CFAP45: variants seen among roughly 807,000 people sequenced by gnomAD.
The protein encoded by CFAP45 is cilia and flagella associated protein 45.
A neutral mutation model predicts 75.6 loss-of-function variants in CFAP45; 43 were observed. The ratio of observed to expected loss-of-function variants is 0.57; its 90% confidence interval spans 0.45 to 0.73. The LOEUF is 0.73. Ranked by LOEUF, CFAP45 falls within the 30% of genes least tolerant of loss-of-function variation. The probability of loss-of-function intolerance (pLI) is 0.00; values close to 1 mark genes in which losing one functional copy is unlikely to be tolerated. For synonymous variants in CFAP45, 223 were observed against 244.6 expected (o/e 0.91, Z 0.82); for missense variants, 689 against 701.5 (o/e 0.98, Z 0.20).
chr1:159,873,889 C>T lies in CFAP45; in HGVS notation c.1353-721G>A, dbSNP rs1317118724. Among the ~76,000 whole-genome samples the T allele has an allele frequency of 6.4e-5, 4 of 62,938 alleles. No individual in the cohort carries two copies. The Admixed American group carries it at 9.4e-4, about 15-fold the overall frequency. The allele number at this position is 62,938 out of a possible 152,430, so 41.3% of individuals were successfully genotyped here. On this transcript the variant is annotated intron_variant, in intron 10 of 11. Transcript: ENST00000368099. ...CCTTGCTTCCTTCCTTCCTTTCCTG[C>T]CTCCCTCCCTCCCTCCCTCTATGCT... is the stretch of plus-strand genomic sequence containing the variant.
At chr1:159,893,825 C>T (rs1649884665) in intron 1 of CFAP45, among the ~76,000 whole-genome samples, 1 of 151,268 alleles carries the variant, frequency 6.6e-6, no homozygotes. Flanking sequence ...TTTGATAGCG[C>T]AATAGAATGA....
At chr1:159,887,761 C>G in intron 5 of CFAP45, 80 bp downstream of exon 5, 8 of 1,145,946 alleles carry the variant, frequency 7.0e-6, no homozygotes, top group African/African-American at 1.5e-5. Context: ...CAGTCCCTGG[C>G]CTTGTCCAGT....
At chr1:159,873,613 A>G (rs1210121696) in intron 10 of CFAP45, among the ~76,000 whole-genome samples, 8 of 152,154 alleles carry the variant, frequency 5.3e-5, no homozygotes, top group African/African-American at 1.9e-4. Context: ...TGGGACCACA[A>G]GAGAGTGCCA....
At position 159,886,084 on chromosome 1, in the gene CFAP45, G is replaced by A. The variant is rs1202135306; in HGVS notation, c.767+427C>T. ...TGTGATTCTGGCCGGGCTCACGCCT[G>A]TAATCCCAGCACTTTGGGAGGCTGA... On this transcript the variant is annotated intron_variant, in intron 6 of 11. Coordinates refer to ENST00000368099, the MANE Select transcript of CFAP45 (RefSeq NM_012337.3). Among the ~76,000 whole-genome samples the A allele has an allele frequency of 2.0e-5, 3 of 152,088 alleles. No homozygotes were observed. The East Asian group carries it at 5.8e-4, about 29-fold the overall frequency.
rs1649868277 is a variant in CFAP45, at chr1:159,893,171, G to C, written c.129+9C>G. On this transcript the variant is annotated intron_variant, in intron 2 of 11. Transcript: ENST00000368099. ...TGGCATCAACTTGAAAGGACTTGTTGAGGATTACCTTGATATCTCCAAAGA... is the reference window on the plus strand; with the variant it reads ...TGGCATCAACTTGAAAGGACTTGTTCAGGATTACCTTGATATCTCCAAAGA... 1 of 1,613,448 alleles carries C rather than the reference G, an allele frequency of 6.2e-7. No homozygotes were observed. Among genetic ancestry groups the C allele is most frequent in the African/African-American group, 1.3e-5 (1 of 74,918 alleles).
intron 3 of CFAP45, 113 bp downstream of exon 3, chr1:159,890,367 A>C: frequency 1.1e-6 from 1 of 922,250 alleles, no homozygotes; most frequent in Admixed American, 2.2e-5. Flanking sequence ...ATAGGAAAGA[A>C]GTGGGGATTG....
intron 7 of CFAP45, among the ~76,000 whole-genome samples, chr1:159,882,472 T>C (rs921575464): frequency 3.9e-5 from 6 of 152,218 alleles, no homozygotes; most frequent in African/African-American, 1.2e-4. Context: ...CAAAGGACTT[T>C]CCCTGTTTCT....
intron 3 of CFAP45, 136 bp from the exon 4 acceptor site, chr1:159,888,632 C>T (rs3795335): frequency 9.1e-6 from 7 of 767,446 alleles, no homozygotes; most frequent in Admixed American, 8.2e-5. Flanking sequence ...GGCAAGTGTG[C>T]CATGGGTCCA....
chr1:159,881,233 T>C (rs1649543742), intron 7 of CFAP45, among the ~76,000 whole-genome samples: 1 of 152,226 alleles, frequency 6.6e-6, no homozygotes, highest in African/African-American at 2.4e-5. Flanking sequence ...CTTGCTCCAA[T>C]AAAGAAACTG....
At chr1:159,894,502 G>A (rs1370654868) in intron 1 of CFAP45, among the ~76,000 whole-genome samples, 2 of 152,216 alleles carry the variant, frequency 1.3e-5, no homozygotes, top group Non-Finnish European at 2.9e-5. Context: ...CTTGGCATGT[G>A]GTTGATGCCC....
At chr1:159,894,486 C>G (rs1649902731) in intron 1 of CFAP45, among the ~76,000 whole-genome samples, 1 of 152,174 alleles carries the variant, frequency 6.6e-6, no homozygotes, top group African/African-American at 2.4e-5. Context: ...AGTGCCTCAC[C>G]CACTGCTTGG....
At chr1:159,890,032 A>G (rs1262844215) in intron 3 of CFAP45, among the ~76,000 whole-genome samples, 1 of 152,164 alleles carries the variant, frequency 6.6e-6, no homozygotes, top group African/African-American at 2.4e-5. Flanking sequence ...ATTTCTTCCT[A>G]TGGCCTTAGA....
At position 159,884,575 on chromosome 1, in the gene CFAP45, A is replaced by G. The variant is rs1317924576; in HGVS notation, c.768-10T>C. On this transcript the variant is annotated splice_polypyrimidine_tract_variant and intron_variant, in intron 6 of 11. Transcript: ENST00000368099. ...AATTTGCCGCCTTCCTCTTGGAGAGAACAGTGCCACAGTGTCTTAGAAACC... is the reference window on the plus strand; with the variant it reads ...AATTTGCCGCCTTCCTCTTGGAGAGGACAGTGCCACAGTGTCTTAGAAACC... The G allele has an allele frequency of 1.2e-6, 2 of 1,612,620 alleles. No individual in the cohort carries two copies. Among genetic ancestry groups the G allele is most frequent in the South Asian group, 2.2e-5 (2 of 90,826 alleles).
At position 159,900,160 on chromosome 1, in the gene CFAP45, A is replaced by AAG; in HGVS notation, c.-63_-62insCT. On this transcript the variant is annotated 5_prime_UTR_variant, in exon 1 of 12. Transcript: ENST00000368099. ...GCCGCCTCGGCGCCGCCAAGGCCCT[A>AAG]GTGTTGACGCGTTACCTTGGCAACC... The AAG allele has an allele frequency of 6.2e-7, 1 of 1,611,622 alleles. No homozygotes were observed.
At chr1:159,893,486 C>A (rs1391918095) in intron 1 of CFAP45, among the ~76,000 whole-genome samples, 181 bp from the exon 2 acceptor site, 5 of 152,130 alleles carry the variant, frequency 3.3e-5, no homozygotes, top group African/African-American at 1.2e-4. Context: ...TGGAGGGCAT[C>A]CCCACAGAGC....
intron 10 of CFAP45, 103 bp downstream of exon 10, chr1:159,876,453 G>A: frequency 2.4e-6 from 2 of 830,600 alleles, no homozygotes; most frequent in Admixed American, 4.2e-5. Context: ...AGACAAGATC[G>A]ACGAGCATCT....
Position 159,887,942 on chromosome 1 carries a change from T to C in CFAP45, c.487A>G (p.Ser163Gly). The C allele has an allele frequency of 1.2e-6, 2 of 1,613,710 alleles. No homozygotes were observed. Among genetic ancestry groups the C allele is most frequent in the Non-Finnish European group, 1.7e-6 (2 of 1,179,532 alleles). ...EMVWNNNKKL[S>G]DLEEVAKERA... is the part of the protein sequence containing the mutation. The stretch of plus-strand genomic sequence containing the variant: ...TCCTTGGCCACCTCCTCCAGGTCAC[T>C]GAGCTTCTTGTTGTTGTTCCACACC... Residue 163 changes from serine (S) to glycine (G), a missense_variant, in exon 5 of 12, where the codon AGT becomes GGT. Coordinates refer to ENST00000368099, the MANE Select transcript of CFAP45 (RefSeq NM_012337.3).
At chr1:159,874,253 C>T (rs1649350069) in intron 10 of CFAP45, among the ~76,000 whole-genome samples, 1 of 152,148 alleles carries the variant, frequency 6.6e-6, no homozygotes, top group African/African-American at 2.4e-5. Flanking sequence ...ACCTGCTCTC[C>T]TCCCCTAGAG....
At chr1:159,886,763 A>G in intron 5 of CFAP45, 74 bp from the exon 6 acceptor site, 2 of 1,238,706 alleles carry the variant, frequency 1.6e-6, no homozygotes, top group African/African-American at 1.5e-5. Flanking sequence ...TGGAAACAGA[A>G]TGCTATACTG....
Sources: gnomAD v4.1 joint callset for allele counts (sites outside exome capture counted in the v4.1 genomes callset) on GRCh38, gnomAD v4.1.1 for gene constraint, MANE v1.5 for transcripts, NCBI Gene and HGNC (gene_info 2026-07-23, HGNC 2026-07-21) for gene names.